ZFAND6: variants seen among roughly 807,000 people sequenced by gnomAD.
The protein encoded by ZFAND6 is AN1-type zinc finger protein 6.
A neutral mutation model predicts 24.5 loss-of-function variants in ZFAND6; 12 were observed. That is an observed-to-expected ratio of 0.49 (90% confidence interval 0.31 to 0.79). ZFAND6 has a LOEUF of 0.79. Ranked by LOEUF, ZFAND6 falls within the 30% of genes least tolerant of loss-of-function variation. ZFAND6 has a pLI of 0.04. For synonymous variants in ZFAND6, 92 were observed against 81.5 expected, an observed-to-expected ratio of 1.13 and a Z score of -0.69; for missense variants, 207 against 245.9, an observed-to-expected ratio of 0.84 and a Z score of 1.06.
At chr15:80,096,652 G>A (rs1279562394) in intron 1 of ZFAND6, among the ~76,000 whole-genome samples, 1 of 152,140 alleles carries the variant, frequency 6.6e-6, no homozygotes, top group East Asian at 1.9e-4. Flanking sequence ...ATTTCTCATG[G>A]TGTTTTTGAA....
At chr15:80,104,212 T>A (rs1448440234) in intron 2 of ZFAND6, among the ~76,000 whole-genome samples, 1 of 152,216 alleles carries the variant, frequency 6.6e-6, no homozygotes, top group African/African-American at 2.4e-5. Flanking sequence ...ATGAGACTAT[T>A]GATTTATATT....
intron 1 of ZFAND6, among the ~76,000 whole-genome samples, chr15:80,082,888 A>T (rs2037758970): frequency 6.6e-6 from 1 of 152,130 alleles, no homozygotes; most frequent in Non-Finnish European, 1.5e-5. Context: ...CACCTCCCTT[A>T]ATTTTCTTTT....
chr15:80,125,022 A>G (rs952383449), intron 5 of ZFAND6, among the ~76,000 whole-genome samples: 1 of 152,210 alleles, frequency 6.6e-6, no homozygotes. Context: ...CTTACATGCA[A>G]TTACGATTTC....
At chr15:80,067,366 G>A (rs1405722897) in intron 1 of ZFAND6, among the ~76,000 whole-genome samples, 2 of 152,036 alleles carry the variant, frequency 1.3e-5, no homozygotes, top group Admixed American at 6.6e-5. Context: ...ATATGCTTTT[G>A]TTTTGCTTAG....
At chr15:80,127,539 G>C (rs1311838528) in intron 5 of ZFAND6, among the ~76,000 whole-genome samples, 1 of 144,852 alleles carries the variant, frequency 6.9e-6, no homozygotes, top group African/African-American at 2.6e-5. Flanking sequence ...GCAGTGAGCT[G>C]AGATTGTGCC....
intron 2 of ZFAND6, among the ~76,000 whole-genome samples, chr15:80,100,980 AT>A (rs1476808030): frequency 2.0e-5 from 3 of 152,204 alleles, no homozygotes; most frequent in Non-Finnish European, 2.9e-5. Context: ...TGAGTGAATC[AT>A]CAGTGCTTGC....
chr15:80,069,965 TC>T (rs1158210870), intron 1 of ZFAND6, among the ~76,000 whole-genome samples: 8 of 152,280 alleles, frequency 5.3e-5, no homozygotes, highest in Middle Eastern at 6.8e-3. Flanking sequence ...TCCTTAGTGA[TC>T]CCAGTTATGT....
At chr15:80,129,666 G>A (rs188996981) in intron 5 of ZFAND6, 30 of 152,284 alleles carry the variant, frequency 2.0e-4, no homozygotes, top group Admixed American at 1.7e-3. Flanking sequence ...AAATAGGACC[G>A]ATGTCTCCCC....
intron 1 of ZFAND6, among the ~76,000 whole-genome samples, chr15:80,093,125 T>TG (rs1555430670): frequency 6.6e-6 from 1 of 150,938 alleles, no homozygotes; most frequent in African/African-American, 2.4e-5. Flanking sequence ...CAGCTAATTT[T>TG]TGTGTGTGTG....
At chr15:80,136,000 C>A (rs1323589482) in intron 6 of ZFAND6, among the ~76,000 whole-genome samples, 1 of 152,028 alleles carries the variant, frequency 6.6e-6, no homozygotes, top group East Asian at 1.9e-4. Context: ...ATGGCATGTG[C>A]CTGTAGTCCC....
chr15:80,136,163 A>G (rs2040852973), intron 6 of ZFAND6, among the ~76,000 whole-genome samples: 1 of 152,042 alleles, frequency 6.6e-6, no homozygotes, highest in Non-Finnish European at 1.5e-5. Context: ...TACATATTTA[A>G]TATTAAAGAT....
chr15:80,083,964 A>G (rs998534549), intron 1 of ZFAND6, among the ~76,000 whole-genome samples: 7 of 152,150 alleles, frequency 4.6e-5, no homozygotes, highest in African/African-American at 1.7e-4. Flanking sequence ...AGTGATGGAA[A>G]ACCTTTGAAT....
At chr15:80,105,511 C>G (rs994348819) in intron 2 of ZFAND6, among the ~76,000 whole-genome samples, 1 of 152,072 alleles carries the variant, frequency 6.6e-6, no homozygotes, top group Admixed American at 6.6e-5. Flanking sequence ...AATAAGCCAC[C>G]CAATTCTGAA....
At chr15:80,085,351 G>A (rs903901886) in intron 1 of ZFAND6, among the ~76,000 whole-genome samples, 3 of 152,174 alleles carry the variant, frequency 2.0e-5, no homozygotes, top group African/African-American at 4.8e-5. Context: ...TCCTAGAACC[G>A]TAGCTGGCAC....
At chr15:80,112,773 T>C (rs1470618805) in intron 2 of ZFAND6, 1 of 456,076 alleles carries the variant, frequency 2.2e-6, no homozygotes, top group South Asian at 1.5e-5. Context: ...ACCCATGTGA[T>C]AGTTGGAGAT....
intron 1 of ZFAND6, among the ~76,000 whole-genome samples, chr15:80,067,638 A>C (rs1387977971): frequency 6.6e-6 from 1 of 152,134 alleles, no homozygotes; most frequent in Non-Finnish European, 1.5e-5. Flanking sequence ...TGTATTAGTC[A>C]CATTCTAGGT....
chr15:80,113,008 G>A (rs2039687886), intron 2 of ZFAND6, among the ~76,000 whole-genome samples: 1 of 151,152 alleles, frequency 6.6e-6, no homozygotes, highest in Non-Finnish European at 1.5e-5. Flanking sequence ...GGCGGAGTGT[G>A]ACAGGAGCTC....
intron 1 of ZFAND6, among the ~76,000 whole-genome samples, chr15:80,069,261 A>C (rs2036837504): frequency 5.9e-5 from 9 of 152,198 alleles, no homozygotes; most frequent in Admixed American, 5.9e-4. Flanking sequence ...TAAAATCTTA[A>C]TAGTTGAGTA....
At chr15:80,075,826 G>C (rs970503212) in intron 1 of ZFAND6, among the ~76,000 whole-genome samples, 2 of 152,054 alleles carry the variant, frequency 1.3e-5, no homozygotes, top group African/African-American at 2.4e-5. Flanking sequence ...AAACAGTTTT[G>C]TCGTTAGTAG....
Sources: gnomAD v4.1 joint callset for allele counts (sites outside exome capture counted in the v4.1 genomes callset) on GRCh38, gnomAD v4.1.1 for gene constraint, MANE v1.5 for transcripts, NCBI Gene and HGNC (gene_info 2026-07-23, HGNC 2026-07-21) for gene names.